The following EFR3A variants were observed in gnomAD, a reference collection of about 807,000 sequenced individuals.
EFR3A encodes protein EFR3 homolog A.
EFR3A carries 76 observed loss-of-function variants against 104.4 expected under a neutral mutation model. The observed-to-expected ratio is 0.73, with a 90% CI of 0.60 to 0.88. EFR3A has a LOEUF of 0.88. Among genes scored for constraint, EFR3A ranks in the 40% least tolerant of loss-of-function variants. The pLI, the probability that EFR3A is intolerant of heterozygous loss-of-function variation, is 0.00. For synonymous variants in EFR3A, 330 were observed against 330.0 expected (o/e 1.00, Z 0.00); for missense variants, 985 against 1,012.5 (o/e 0.97, Z 0.37).
chr8:132,010,703 G>T, intron 22 of EFR3A, 87 bp from the exon 23 acceptor site: 1 of 1,466,506 alleles, frequency 6.8e-7, no homozygotes, highest in East Asian at 2.4e-5. Flanking sequence ...GTCTGACTTT[G>T]ATATTCGCAG....
Position 132,002,680 on chromosome 8 carries a change from G to A in EFR3A, c.2284G>A (p.Glu762Lys), listed in dbSNP as rs1333736765. 4 of 1,613,620 alleles carry A rather than the reference G, an allele frequency of 2.5e-6. No individual in the cohort carries two copies. The highest frequency in any genetic ancestry group is 2.7e-5 in the African/African-American group (2 of 74,934). Residue 762 changes from glutamate to lysine, a missense_variant, in exon 21 of 23, where the codon GAA becomes AAA. Transcript: ENST00000254624. ...GAAATTTCAGAAAGCACCTTTTGAAGAAATAGCAGCACAGTGTGAATCCAA... is the reference window on the plus strand; with the variant it reads ...GAAATTTCAGAAAGCACCTTTTGAAAAAATAGCAGCACAGTGTGAATCCAA... The part of the protein sequence containing the change: ...IEKFQKAPFE[E>K]IAAQCESKAN...
intron 4 of EFR3A, among the ~76,000 whole-genome samples, chr8:131,947,614 A>G (rs1818505071): frequency 1.3e-5 from 2 of 151,624 alleles, no homozygotes; most frequent in African/African-American, 4.8e-5. Context: ...TATCTAAGAA[A>G]CTATTGCCTA....
At position 131,996,447 on chromosome 8, in the gene EFR3A, G is replaced by A. The variant is rs371862225; in HGVS notation, c.2107G>A (p.Val703Ile). The A allele has an allele frequency of 4.4e-5, 70 of 1,598,088 alleles. No homozygotes were observed. The highest frequency in any genetic ancestry group is 5.5e-5 in the Non-Finnish European group (65 of 1,174,066). ...LSRRKSIVDT[V>I]SIQVDILSNN... Reference sequence around the variant, plus strand: ...TAGAAGAAAAAGCATTGTGGACACCGTATCCATTCAGGTGGATATTTTATC... The same window carrying A: ...TAGAAGAAAAAGCATTGTGGACACCATATCCATTCAGGTGGATATTTTATC... The change falls in exon 19 of 23, where the codon GTA becomes ATA. Residue 703 changes from valine (V) to isoleucine (I), a missense_variant. Physicochemically the swap from Val to Ile is conservative, Grantham distance 29. Transcript: ENST00000254624.
At chr8:131,973,766 C>T (rs1369620812) in intron 10 of EFR3A, among the ~76,000 whole-genome samples, 2 of 151,978 alleles carry the variant, frequency 1.3e-5, no homozygotes, top group African/African-American at 4.8e-5. Flanking sequence ...AACATAGCTA[C>T]CTGCTGTGTT....
chr8:131,929,651 A>C (rs923492289), intron 1 of EFR3A, among the ~76,000 whole-genome samples: 3 of 152,132 alleles, frequency 2.0e-5, no homozygotes, highest in Non-Finnish European at 4.4e-5. Context: ...CCCTACATTT[A>C]GTTTAGTGCC....
intron 22 of EFR3A, among the ~76,000 whole-genome samples, chr8:132,005,055 T>G (rs556206141): frequency 6.6e-6 from 1 of 152,354 alleles, no homozygotes; most frequent in South Asian, 2.1e-4. Context: ...CCTATGTTGT[T>G]CTAAGCACTG....
chr8:132,008,846 CAAAAAAAAAAAAA>C (rs55964352), intron 22 of EFR3A, among the ~76,000 whole-genome samples: 4 of 32,164 alleles, frequency 1.2e-4, no homozygotes, highest in Admixed American at 4.6e-4. Flanking sequence ...AACTCCATCT[CAAAAAAAAAAAAA>C]AAAAAAAAAA....
At chr8:131,954,713 G>T (rs934711462) in intron 6 of EFR3A, among the ~76,000 whole-genome samples, 4 of 150,710 alleles carry the variant, frequency 2.7e-5, no homozygotes, top group African/African-American at 9.7e-5. Flanking sequence ...TTCTCCAATG[G>T]CTTATTATCC....
chr8:131,909,194 A>T (rs1392872), intron 1 of EFR3A, among the ~76,000 whole-genome samples: 2 of 152,126 alleles, frequency 1.3e-5, no homozygotes, highest in Non-Finnish European at 2.9e-5. Flanking sequence ...CTGGAGTCAG[A>T]TAAGTTATTC....
At chr8:131,968,554 T>C in intron 9 of EFR3A, 124 bp downstream of exon 9, 2 of 1,018,538 alleles carry the variant, frequency 2.0e-6, no homozygotes, top group Non-Finnish European at 1.3e-6. Flanking sequence ...TGTACAATAA[T>C]TTTTTTTGAA....
rs114497718 is a variant in EFR3A, at chr8:131,972,577, T to A, written c.1159+1934T>A. ...ATAATCTGACTGTATAAATACAGATTCAAGCAAGCAAGCTATTTTTCTAAT... is the reference window on the plus strand; with the variant it reads ...ATAATCTGACTGTATAAATACAGATACAAGCAAGCAAGCTATTTTTCTAAT... On this transcript the variant is annotated intron_variant, in intron 10 of 22. Coordinates refer to ENST00000254624, the MANE Select transcript of EFR3A (RefSeq NM_015137.6). Among the ~76,000 whole-genome samples the A allele has an allele frequency of 9.1e-3, 1,380 of 152,210 alleles. 24 individuals carry two copies. The highest frequency in any genetic ancestry group is 0.031 in the African/African-American group (1,302 of 41,538).
intron 7 of EFR3A, among the ~76,000 whole-genome samples, chr8:131,956,519 A>G (rs1296952836): frequency 1.3e-5 from 2 of 152,200 alleles, no homozygotes; most frequent in South Asian, 2.1e-4. Flanking sequence ...TAGATCTACT[A>G]TATAATATTC....
At chr8:132,005,602 G>A (rs1047316837) in intron 22 of EFR3A, among the ~76,000 whole-genome samples, 1 of 151,926 alleles carries the variant, frequency 6.6e-6, no homozygotes, top group Non-Finnish European at 1.5e-5. Flanking sequence ...GATACATATA[G>A]TTTGGAGAGA....
chr8:132,008,354 CAATAA>C (rs1477009937), intron 22 of EFR3A, among the ~76,000 whole-genome samples: 3 of 151,774 alleles, frequency 2.0e-5, no homozygotes, highest in Non-Finnish European at 4.4e-5. Flanking sequence ...ATTTTGTGCC[CAATAA>C]AATGAGAGAA....
intron 4 of EFR3A, among the ~76,000 whole-genome samples, chr8:131,947,065 T>C (rs1818476544): frequency 6.6e-6 from 1 of 152,098 alleles, no homozygotes; most frequent in African/African-American, 2.4e-5. Flanking sequence ...TACTTAGTAG[T>C]GTAATTGCTG....
chr8:131,995,164 C>T (rs944392792), intron 18 of EFR3A, among the ~76,000 whole-genome samples: 3 of 152,034 alleles, frequency 2.0e-5, no homozygotes, highest in African/African-American at 4.8e-5. Context: ...TAGAAGCTTC[C>T]AGAGCTTCTT....
At chr8:131,962,035 G>A (rs1274070752) in intron 8 of EFR3A, among the ~76,000 whole-genome samples, 1 of 152,184 alleles carries the variant, frequency 6.6e-6, no homozygotes. Flanking sequence ...CACCAGGCCT[G>A]CCTTACAAGA....
At chr8:131,964,022 CG>C (rs1220933540) in intron 8 of EFR3A, among the ~76,000 whole-genome samples, 1 of 152,134 alleles carries the variant, frequency 6.6e-6, no homozygotes, top group African/African-American at 2.4e-5. Flanking sequence ...AATTCAACAA[CG>C]CTTCATGCTA....
At position 131,970,479 on chromosome 8, in the gene EFR3A, C is replaced by A. The variant is rs1819986088; in HGVS notation, c.995C>A (p.Pro332Gln). The A allele has an allele frequency of 6.2e-7, 1 of 1,613,006 alleles. No homozygotes were observed. Among genetic ancestry groups the A allele is most frequent in the African/African-American group, 1.3e-5 (1 of 74,872 alleles). The change falls in exon 10 of 23, where the codon CCG (proline) becomes CAG (glutamine). Residue 332 changes from proline to glutamine, a missense_variant. Coordinates refer to ENST00000254624, the MANE Select transcript of EFR3A (RefSeq NM_015137.6). ...TCACATAAGTGATCCTTTATAGGTCCGACAGTGCTGGAAGTCTTCAATACC... is the reference window on the plus strand; with the variant it reads ...TCACATAAGTGATCCTTTATAGGTCAGACAGTGCTGGAAGTCTTCAATACC... Reference protein sequence around the residue: ...VAIAAKGSIGPTVLEVFNTLL... With the variant: ...VAIAAKGSIGQTVLEVFNTLL...
Sources: gnomAD v4.1 joint callset for allele counts (sites outside exome capture counted in the v4.1 genomes callset) on GRCh38, gnomAD v4.1.1 for gene constraint, MANE v1.5 for transcripts, NCBI Gene and HGNC (gene_info 2026-07-23, HGNC 2026-07-21) for gene names.